Variants in COL6A3 observed in about 807,000 individuals in gnomAD.
COL6A3 encodes the protein collagen type VI alpha 3 chain.
Under a neutral mutation model 274.1 loss-of-function variants are expected in COL6A3, and 137 were observed. The observed-to-expected ratio is 0.50, with a 90% CI of 0.44 to 0.58. The LOEUF (loss-of-function observed/expected upper bound fraction) is 0.58. Ranked by LOEUF, COL6A3 falls within the 20% of genes least tolerant of loss-of-function variation. COL6A3 has a pLI of 0.00. For missense variants in COL6A3, 3,950 were observed against 4,124.9 expected, an observed-to-expected ratio of 0.96 and a Z score of 1.16; for synonymous variants, 1,650 against 1,650.6, an observed-to-expected ratio of 1.00 and a Z score of 0.01.
At chr2:237,333,646 G>T in intron 41 of COL6A3, 98 bp from the exon 42 acceptor site, 2 of 1,010,582 alleles carry the variant, frequency 2.0e-6, no homozygotes, top group Non-Finnish European at 3.0e-6. Flanking sequence ...TGTGATTAAT[G>T]TCTTATGTTG....
chr2:237,363,194 A>G, intron 14 of COL6A3, 59 bp downstream of exon 14: 1 of 1,580,488 alleles, frequency 6.3e-7, no homozygotes, highest in Non-Finnish European at 8.7e-7. Flanking sequence ...ATTCTCTTGA[A>G]ATGCCAAAAG....
chr2:237,374,357 A>G lies in COL6A3; in HGVS notation c.3679+55T>C. 1 of 1,602,276 alleles carries G rather than the reference A, an allele frequency of 6.2e-7. No individual in the cohort carries two copies. Among genetic ancestry groups the G allele is most frequent in the Non-Finnish European group, 8.5e-7 (1 of 1,179,084 alleles). ...GAACACCTTGTGGCCCACAGTCCAG[A>G]CAAGTAGCCCCAGACAATGACACTG... On this transcript the variant is annotated intron_variant, in intron 8 of 43. Transcript: ENST00000295550. This position sits in a 1 kb window ranked among gnomAD's most constrained non-coding sequence, Gnocchi z 4.8.
intron 4 of COL6A3, among the ~76,000 whole-genome samples, chr2:237,381,852 G>T (rs762240875): frequency 1.3e-5 from 2 of 152,314 alleles, no homozygotes; most frequent in East Asian, 3.9e-4. Context: ...TGAAGTCATT[G>T]CTTGAATAAT....
intron 1 of COL6A3, among the ~76,000 whole-genome samples, chr2:237,411,120 C>T (rs1006194590): frequency 2.6e-5 from 4 of 152,266 alleles, no homozygotes; most frequent in South Asian, 4.2e-4. Context: ...AGTTTGCTCC[C>T]GTAAGTCAGG....
chr2:237,369,396 C>T (rs1020362865), intron 9 of COL6A3, among the ~76,000 whole-genome samples: 1 of 152,194 alleles, frequency 6.6e-6, no homozygotes, highest in African/African-American at 2.4e-5. Flanking sequence ...TTATCCAAAA[C>T]GTGTCTTTCT....
chr2:237,346,427 T>C lies in COL6A3; in HGVS notation c.7092+76A>G, dbSNP rs983450573. 3.2e-6 allele frequency: 4 copies of C among 1,250,246 alleles called. No homozygotes were observed. The Admixed American group carries it at 6.7e-5, about 21-fold the overall frequency. The allele number at this position is 1,250,246 out of a possible 1,614,324, so 77.4% of individuals were successfully genotyped here. A position where few individuals can be genotyped will look rare whatever the true frequency, so the allele number is the denominator to read the frequency against. Reference sequence around the variant, plus strand: ...CACATTTTCTTGTGAGCAAAGCAGATGGTGGGAAGTTTTCAGGGACCACGT... The same window carrying C: ...CACATTTTCTTGTGAGCAAAGCAGACGGTGGGAAGTTTTCAGGGACCACGT... On this transcript the variant is annotated intron_variant, in intron 32 of 43. Coordinates refer to ENST00000295550, the MANE Select transcript of COL6A3 (RefSeq NM_004369.4).
At chr2:237,383,633 G>T (rs2078068611) in intron 4 of COL6A3, among the ~76,000 whole-genome samples, 1 of 152,052 alleles carries the variant, frequency 6.6e-6, no homozygotes, top group Non-Finnish European at 1.5e-5. Context: ...TATCACACAT[G>T]ACAGAAAAAT....
In COL6A3 at chr2:237,379,037, T is replaced by C. The variant is rs1268083201; in HGVS notation, c.2096A>G (p.Lys699Arg). ...CCTCAGATGACCAAGGATATCTGACTTGGTCTGGTATGTGTTTAAAGAGAA... is the reference window on the plus strand; with the variant it reads ...CCTCAGATGACCAAGGATATCTGACCTGGTCTGGTATGTGTTTAAAGAGAA... Reference protein sequence around the residue: ...TEFSLNTYQTKSDILGHLRQL... With the variant: ...TEFSLNTYQTRSDILGHLRQL... The change falls in exon 6 of 44, where the codon AAG (lysine) becomes AGG (arginine). Residue 699 changes from lysine (K) to arginine (R), a missense_variant. Lys to Arg is a conservative substitution (Grantham distance 26, BLOSUM62 2). Around this residue, in one of 5 missense-constraint regions of COL6A3, gnomAD observed 1,934 missense variants for 1,984.3 expected, o/e 0.97. Coordinates refer to ENST00000295550, the MANE Select transcript of COL6A3 (RefSeq NM_004369.4). The C allele has an allele frequency of 3.1e-6, 5 of 1,614,224 alleles. No individual in the cohort carries two copies. The Admixed American group carries it at 8.3e-5, about 27-fold the overall frequency.
intron 27 of COL6A3, among the ~76,000 whole-genome samples, chr2:237,350,504 A>G (rs1433802925): frequency 6.6e-6 from 1 of 152,154 alleles, no homozygotes; most frequent in Non-Finnish European, 1.5e-5. Context: ...CCCAGCATAA[A>G]ACCCCAAAAC....
intron 19 of COL6A3, 37 bp downstream of exon 19, chr2:237,359,169 A>C: frequency 6.2e-7 from 1 of 1,614,088 alleles, no homozygotes; most frequent in Admixed American, 1.7e-5. Flanking sequence ...AATCTTCAGA[A>C]CCAAAAGCAG....
chr2:237,326,244 AGTGTGTGTGTGTGT>A (rs58879455), intron 42 of COL6A3: 5 of 151,694 alleles, frequency 3.3e-5, no homozygotes, highest in Admixed American at 6.5e-5. Flanking sequence ...ATCCTTTATG[AGTGTGTGTGTGTGT>A]GTGTGTGTGT....
intron 23 of COL6A3, 55 bp from the exon 24 acceptor site, chr2:237,354,989 G>A: frequency 6.6e-7 from 1 of 1,516,950 alleles, no homozygotes; most frequent in Non-Finnish European, 9.1e-7. Context: ...CGCTGGGCAT[G>A]GGGCCTAGAG....
chr2:237,364,230 T>C lies in COL6A3; in HGVS notation c.5917+120A>G, dbSNP rs2077498926. The C allele has an allele frequency of 5.0e-6, 4 of 807,686 alleles. No homozygotes were observed. Among genetic ancestry groups the C allele is most frequent in the South Asian group, 4.2e-5 (3 of 71,864 alleles). The allele number at this position is 807,686 out of a possible 1,614,324, so 50.0% of individuals were successfully genotyped here. On this transcript the variant is annotated intron_variant, in intron 13 of 43. Coordinates refer to ENST00000295550, the MANE Select transcript of COL6A3 (RefSeq NM_004369.4). The surrounding 1 kb of genome is among the most constrained non-coding windows in gnomAD (Gnocchi z 4.6). ...GGCCACAACGCTGGGAGGAAGAGTC[T>C]CCCAAGACAACGCTGCTCCCTTGGG...
Position 237,340,559 on chromosome 2 carries a change from A to G in COL6A3, c.8357T>C (p.Phe2786Ser). The G allele has an allele frequency of 6.2e-7, 1 of 1,614,176 alleles. No individual in the cohort carries two copies. Among genetic ancestry groups the G allele is most frequent in the Non-Finnish European group, 8.5e-7 (1 of 1,180,036 alleles). Residue 2786 changes from phenylalanine (F) to serine (S), a missense_variant, in exon 38 of 44, where the codon TTC becomes TCC. Phe to Ser is a radical substitution (Grantham distance 155, BLOSUM62 -2). Transcript: ENST00000295550. ...RKVNIKEVYTFASEPNDVFFK... is the reference protein window; with the variant it reads ...RKVNIKEVYTSASEPNDVFFK... ...GAAGACGTCGTTTGGCTCACTGGCG[A>G]AGGTGTATACCTCCTTGATGTTCAC...
rs139422278 is a variant in COL6A3, at chr2:237,330,469, G to A, written c.9328+2981C>T. 2.1e-3 allele frequency among the ~76,000 whole-genome samples: 322 copies of A among 152,254 alleles called. 3 individuals are homozygous for A. The highest frequency in any genetic ancestry group is 6.8e-3 in the Middle Eastern group (2 of 294). The stretch of plus-strand genomic sequence containing the variant: ...AGCAAAGCAAAAAGTGGAGTGAGAT[G>A]TTTTTGTGGGGGTTCATTTGGTTTT... On this transcript the variant is annotated intron_variant, in intron 42 of 43. Coordinates refer to ENST00000295550, the MANE Select transcript of COL6A3 (RefSeq NM_004369.4).
chr2:237,374,986 A>G lies in COL6A3; in HGVS notation c.3105T>C (p.Asp1035=), dbSNP rs2077798088. ...AGCCGCTCCTGACGCCCTCAGAGCC[A>G]TCAAGCAGAAACACCACGTCCTTTT... is the stretch of plus-strand genomic sequence containing the variant. ...SGEKDVVFLL[D]GSEGVRSGFP... Residue 1035 remains aspartate (D), a synonymous_variant, in exon 8 of 44, where the codon GAT becomes GAC. Transcript: ENST00000295550. This position sits in a 1 kb window ranked among gnomAD's most constrained non-coding sequence, Gnocchi z 4.8. The G allele has an allele frequency of 6.2e-7, 1 of 1,613,968 alleles. No homozygotes were observed. The highest frequency in any genetic ancestry group is 1.3e-5 in the African/African-American group (1 of 75,006).
intron 39 of COL6A3, among the ~76,000 whole-genome samples, chr2:237,337,393 G>A (rs949535392): frequency 7.2e-5 from 11 of 152,172 alleles, no homozygotes; most frequent in African/African-American, 2.2e-4. Context: ...CCAGTGCCAC[G>A]ATAAGGGTCC....
intron 41 of COL6A3, among the ~76,000 whole-genome samples, chr2:237,334,275 CG>C (rs1700414990): frequency 6.6e-6 from 1 of 152,162 alleles, no homozygotes; most frequent in South Asian, 2.1e-4. Context: ...GAAACCTGGA[CG>C]GGGTGGTGGG....
At chr2:237,377,575 A>T (rs528136300) in intron 6 of COL6A3, among the ~76,000 whole-genome samples, 74 of 152,374 alleles carry the variant, frequency 4.9e-4, no homozygotes, top group African/African-American at 1.7e-3. Flanking sequence ...CCCATCTAGC[A>T]TCATGCTTCT....
Sources: gnomAD v4.1 joint callset for allele counts (sites outside exome capture counted in the v4.1 genomes callset) on GRCh38, gnomAD v4.1.1 for gene constraint, gnomAD v4.1.1 regional missense constraint, Gnocchi (gnomAD v3.1) non-coding constraint, MANE v1.5 for transcripts, NCBI Gene and HGNC (gene_info 2026-07-23, HGNC 2026-07-21) for gene names.